OR2L13: variants seen among roughly 807,000 people sequenced by gnomAD.
OR2L13 encodes the protein olfactory receptor 2L13.
Under a neutral mutation model 15.3 loss-of-function variants are expected in OR2L13, and 14 were observed. The observed-to-expected ratio is 0.91, with a 90% CI of 0.60 to 1.43. The LOEUF (loss-of-function observed/expected upper bound fraction) is 1.43. Ranked by LOEUF, OR2L13 falls within the 40% of genes most tolerant of loss-of-function variation. OR2L13 has a pLI of 0.00. For missense variants in OR2L13, 367 were observed against 387.9 expected (o/e 0.95, Z 0.45); for synonymous variants, 152 against 142.9 (o/e 1.06, Z -0.45).
the OR2L13 span, among the ~76,000 whole-genome samples, chr1:247,959,495 G>A: frequency 6.6e-6 from 1 of 152,002 alleles, no homozygotes; most frequent in Non-Finnish European, 1.5e-5. Flanking sequence ...GGCCTGCCTT[G>A]CTAGATTGGG....
chr1:247,965,473 A>C, the OR2L13 span: 1 of 1,613,652 alleles, frequency 6.2e-7, no homozygotes, highest in Non-Finnish European at 8.5e-7. Context: ...CGTCATTGCC[A>C]CCCTCTTTAC....
At chr1:248,054,801 G>C in the OR2L13 span, among the ~76,000 whole-genome samples, 1 of 152,176 alleles carries the variant, frequency 6.6e-6, no homozygotes, top group Non-Finnish European at 1.5e-5. Context: ...TGTATCCTGA[G>C]AGTTTGATGA....
upstream of OR2L13, among the ~76,000 whole-genome samples, chr1:248,090,766 T>C (rs1326275890): frequency 2.0e-5 from 3 of 152,222 alleles, no homozygotes; most frequent in Non-Finnish European, 2.9e-5. Context: ...GGTTACTTTA[T>C]TGTAGAACAA....
the OR2L13 span, among the ~76,000 whole-genome samples, chr1:248,058,020 A>G: frequency 6.6e-6 from 1 of 152,146 alleles, no homozygotes; most frequent in Non-Finnish European, 1.5e-5. Context: ...AGATGCAGAG[A>G]AAGTGGACTT....
At chr1:247,941,095 G>A in the OR2L13 span, among the ~76,000 whole-genome samples, 5 of 152,082 alleles carry the variant, frequency 3.3e-5, no homozygotes, top group South Asian at 4.1e-4. Context: ...TTTTAATGGG[G>A]TTGTTTTTTG....
the OR2L13 span, among the ~76,000 whole-genome samples, chr1:248,059,636 T>C: frequency 3.2e-3 from 483 of 152,316 alleles, 8 homozygotes; most frequent in African/African-American, 0.011. Context: ...TCTAAATAAA[T>C]GAACCACAAA....
chr1:248,003,790 T>C, the OR2L13 span: 96,316 of 1,573,714 alleles, frequency 0.061, 3,558 homozygotes, highest in African/African-American at 0.31. Flanking sequence ...ATGGCCGGGT[T>C]CTCCTTGCTG....
the OR2L13 span, among the ~76,000 whole-genome samples, chr1:247,942,275 A>G: frequency 3.3e-5 from 5 of 152,294 alleles, no homozygotes; most frequent in South Asian, 1.0e-3. Context: ...CTTAGTGCTT[A>G]AAAGTCATGT....
At chr1:248,018,175 G>C in the OR2L13 span, among the ~76,000 whole-genome samples, 1 of 149,652 alleles carries the variant, frequency 6.7e-6, no homozygotes, top group African/African-American at 2.5e-5. Context: ...AAAAAAATTC[G>C]TTATTTTTCT....
the OR2L13 span, chr1:247,939,104 A>C: frequency 1.3e-5 from 2 of 152,232 alleles, no homozygotes; most frequent in Non-Finnish European, 2.9e-5. Context: ...TTAAGAGGCT[A>C]TTAGCCACTA....
At chr1:248,099,465 C>T (rs1664799486) in exon 3 of OR2L13, 1 of 1,613,528 alleles carries the variant, frequency 6.2e-7, no homozygotes, top group Admixed American at 1.7e-5. Flanking sequence ...TGTGCCTTAT[C>T]ATCCTCATAT....
the OR2L13 span, among the ~76,000 whole-genome samples, chr1:247,956,359 G>T: frequency 6.7e-6 from 1 of 148,674 alleles, no homozygotes; most frequent in East Asian, 2.0e-4. Flanking sequence ...TTGTAGTATA[G>T]TTTGAAGTCA....
the OR2L13 span, among the ~76,000 whole-genome samples, chr1:248,018,130 A>G: frequency 0.15 from 22,356 of 149,130 alleles, 2,812 homozygotes; most frequent in African/African-American, 0.35. Context: ...ACTCCAGCCT[A>G]GGCGACAGAG....
At chr1:248,097,158 T>C (rs958841098), upstream of OR2L13, 5 of 152,232 alleles carry the variant, frequency 3.3e-5, no homozygotes, top group Admixed American at 3.3e-4. Context: ...CCTTAAAAAC[T>C]TGGGTCTCTT....
chr1:247,964,907 T>C, the OR2L13 span, among the ~76,000 whole-genome samples: 1 of 149,198 alleles, frequency 6.7e-6, no homozygotes, highest in Non-Finnish European at 1.5e-5. Context: ...TATTCATAAA[T>C]ACACATGAGT....
At chr1:248,077,038 G>A in the OR2L13 span, among the ~76,000 whole-genome samples, 1 of 152,184 alleles carries the variant, frequency 6.6e-6, no homozygotes, top group Non-Finnish European at 1.5e-5. Flanking sequence ...TTTATTGAGA[G>A]TGTTTAGCAT....
At chr1:248,049,555 A>C in the OR2L13 span, among the ~76,000 whole-genome samples, 4 of 152,240 alleles carry the variant, frequency 2.6e-5, no homozygotes, top group East Asian at 7.7e-4. Context: ...CTGAGAAACC[A>C]TTTTTCTGTG....
chr1:248,043,097 G>A, the OR2L13 span, among the ~76,000 whole-genome samples: 1 of 152,002 alleles, frequency 6.6e-6, no homozygotes, highest in East Asian at 1.9e-4. Flanking sequence ...CTAGAAACTT[G>A]GTGAATTTAT....
rs749032597 is a variant in OR2L13, at chr1:248,099,717, G to T, written c.342G>T (p.Leu114=). The T allele has an allele frequency of 5.1e-5, 82 of 1,613,882 alleles. 1 individual carries two copies. The highest frequency in any genetic ancestry group is 1.4e-5 in the Non-Finnish European group (17 of 1,179,982). The change falls in exon 3 of 3, where the codon CTG becomes CTT. Residue 114 remains leucine, a synonymous_variant. Transcript: ENST00000641714. ...TGGCGTGTTCTGAAGGCTTACTCCT[G>T]ACCTCCATGGCCTACGACCGTTATT...
Sources: gnomAD v4.1 joint callset for allele counts (sites outside exome capture counted in the v4.1 genomes callset) on GRCh38, gnomAD v4.1.1 for gene constraint, MANE v1.5 for transcripts, NCBI Gene and HGNC (gene_info 2026-07-23, HGNC 2026-07-21) for gene names.